SCUBE1: variants seen among roughly 807,000 people sequenced by gnomAD.
The protein encoded by SCUBE1 is signal peptide, CUB and EGF-like domain-containing protein 1.
In SCUBE1, 59 loss-of-function variants were observed where a neutral mutation model predicts 124.4. The ratio of observed to expected loss-of-function variants is 0.47; its 90% CI spans 0.38 to 0.59. SCUBE1 has a LOEUF of 0.59. SCUBE1 is among the 20% of genes least tolerant of loss of function. The pLI is 0.00. For missense variants in SCUBE1, 1,150 were observed against 1,371.2 expected, an observed-to-expected ratio of 0.84 and a Z score of 2.55; for synonymous variants, 545 against 550.9, an observed-to-expected ratio of 0.99 and a Z score of 0.15.
intron 3 of SCUBE1, among the ~76,000 whole-genome samples, chr22:43,301,464 G>A (rs1188287558): frequency 6.6e-6 from 1 of 152,194 alleles, no homozygotes; most frequent in Non-Finnish European, 1.5e-5. Flanking sequence ...CAGCTGTCCT[G>A]TTCCCATCTC....
intron 2 of SCUBE1, among the ~76,000 whole-genome samples, chr22:43,332,773 T>C (rs1926944321): frequency 6.6e-6 from 1 of 152,136 alleles, no homozygotes; most frequent in Admixed American, 6.5e-5. Flanking sequence ...CCTCCCAGCA[T>C]GGATAAGGGT....
chr22:43,219,480 CTT>C (rs139001), intron 14 of SCUBE1, among the ~76,000 whole-genome samples: 5 of 144,634 alleles, frequency 3.5e-5, no homozygotes, highest in Non-Finnish European at 4.5e-5. Context: ...AAAACATTTC[CTT>C]TTTTTTTTTT....
At chr22:43,241,285 T>G (rs1377167572) in intron 6 of SCUBE1, among the ~76,000 whole-genome samples, 1 of 152,026 alleles carries the variant, frequency 6.6e-6, no homozygotes, top group Admixed American at 6.5e-5. Flanking sequence ...ACCAACCCGC[T>G]CCACAGCAGG....
At chr22:43,246,224 C>A (rs1467611777) in intron 6 of SCUBE1, among the ~76,000 whole-genome samples, 1 of 152,190 alleles carries the variant, frequency 6.6e-6, no homozygotes, top group East Asian at 1.9e-4. Context: ...CCTGCCTCTA[C>A]CCTGGCTCCT....
chr22:43,212,369 A>G, intron 17 of SCUBE1, 56 bp downstream of exon 17: 1 of 1,517,588 alleles, frequency 6.6e-7, no homozygotes, highest in Non-Finnish European at 8.9e-7. Flanking sequence ...AGCCTCTCGG[A>G]GCAGTGCAGC....
At position 43,198,671 on chromosome 22, in the gene SCUBE1, G is replaced by C. The variant is rs972354240; in HGVS notation, c.*5326C>G. 2.0e-5 allele frequency: 9 copies of C among 456,612 alleles called. No individual in the cohort carries two copies. In the Admixed American group the frequency reaches 2.1e-4, roughly 11 times the overall value. 28.3% of individuals were successfully genotyped at this position (456,612 alleles called of 1,614,324 possible). A position where few individuals can be genotyped will look rare whatever the true frequency, so the allele number is the denominator to read the frequency against. ...GGGACCTCAATGTCAGGTGCAGTTT[G>C]CCAGGGTGACCAGACTTCCTGAGCA... On this transcript the variant is annotated 3_prime_UTR_variant, in exon 22 of 22. Coordinates refer to ENST00000360835, the MANE Select transcript of SCUBE1 (RefSeq NM_173050.5).
In SCUBE1 at chr22:43,218,330, C is replaced by A; in HGVS notation, c.1816G>T (p.Ala606Ser). The change falls in exon 15 of 22, where the codon GCC becomes TCC. Residue 606 changes from alanine to serine, a missense_variant. By Grantham distance (99) the Ala-to-Ser change is moderately conservative (BLOSUM62 1). Transcript: ENST00000360835. ...VQVSGTEYEV[A>S]QRPAKALEGQ... ...TCCAGCGCCTTGGCTGGCCTCTGGG[C>A]TACCTCGTACTCAGTGCCTGAGACC... 1 of 1,613,454 alleles carries A rather than the reference C, an allele frequency of 6.2e-7. No individual in the cohort carries two copies. Among genetic ancestry groups the A allele is most frequent in the Non-Finnish European group, 8.5e-7 (1 of 1,180,034 alleles).
At chr22:43,238,988 C>T (rs1204247454) in intron 6 of SCUBE1, 34 bp from the exon 7 acceptor site, 2 of 1,554,774 alleles carry the variant, frequency 1.3e-6, no homozygotes, top group South Asian at 2.2e-5. Context: ...CCTCAGTTTC[C>T]TTGGACAGAA....
chr22:43,290,148 C>T (rs7285528), intron 4 of SCUBE1, among the ~76,000 whole-genome samples: 14 of 152,102 alleles, frequency 9.2e-5, no homozygotes, highest in Non-Finnish European at 4.4e-5. Context: ...CAGATGCCTG[C>T]CCTTGCATTA....
chr22:43,280,818 AT>A (rs2146735847), intron 4 of SCUBE1, among the ~76,000 whole-genome samples: 1 of 112,828 alleles, frequency 8.9e-6, no homozygotes, highest in East Asian at 2.9e-4. Flanking sequence ...TCCCTCAGCC[AT>A]CCTCCTGTCA....
chr22:43,301,649 C>T (rs549251817), intron 3 of SCUBE1, among the ~76,000 whole-genome samples: 1 of 152,294 alleles, frequency 6.6e-6, no homozygotes, highest in Non-Finnish European at 1.5e-5. Flanking sequence ...CCCCTGCTTC[C>T]TTCAGAGCAC....
chr22:43,244,396 C>T (rs573089593), intron 6 of SCUBE1, among the ~76,000 whole-genome samples: 29 of 152,218 alleles, frequency 1.9e-4, no homozygotes, highest in Non-Finnish European at 2.9e-4. Flanking sequence ...GTGACCAGCA[C>T]GGCGGAGGTG....
At chr22:43,219,550 T>C (rs746227934) in intron 14 of SCUBE1, among the ~76,000 whole-genome samples, 48 of 151,866 alleles carry the variant, frequency 3.2e-4, no homozygotes, top group Non-Finnish European at 5.9e-4. Flanking sequence ...CTCAGCTCAC[T>C]GCAATCTCTG....
At chr22:43,310,228 C>T (rs1199190308) in intron 3 of SCUBE1, among the ~76,000 whole-genome samples, 1 of 152,062 alleles carries the variant, frequency 6.6e-6, no homozygotes. Flanking sequence ...ACTTGTCCCC[C>T]TTCTGCTTGG....
At chr22:43,298,864 A>G (rs1925662013) in intron 3 of SCUBE1, among the ~76,000 whole-genome samples, 1 of 152,018 alleles carries the variant, frequency 6.6e-6, no homozygotes, top group South Asian at 2.1e-4. Flanking sequence ...CATCCTGGCT[A>G]ACACGGTGAA....
chr22:43,274,913 C>T (rs1417167110), intron 4 of SCUBE1, among the ~76,000 whole-genome samples: 1 of 152,172 alleles, frequency 6.6e-6, no homozygotes, highest in East Asian at 1.9e-4. Flanking sequence ...CTCATGGGCT[C>T]GGGGCACAGT....
At chr22:43,251,439 C>T (rs186511348) in intron 6 of SCUBE1, among the ~76,000 whole-genome samples, 1 of 152,170 alleles carries the variant, frequency 6.6e-6, no homozygotes, top group African/African-American at 2.4e-5. Flanking sequence ...GGCAGAAGGG[C>T]CTCTGCAGAT....
rs929845021 is a variant in SCUBE1 at position 43,198,784 on chromosome 22, A to G, written c.*5213T>C. 8 of 448,600 alleles carry G rather than the reference A, an allele frequency of 1.8e-5. No homozygotes were observed. In the Admixed American group the frequency reaches 1.9e-4, roughly 11 times the overall value. 27.8% of individuals were successfully genotyped at this position (448,600 alleles called of 1,614,324 possible). A position where few individuals can be genotyped will look rare whatever the true frequency, so the allele number is the denominator to read the frequency against. Reference sequence around the variant, plus strand: ...GGCATGCACTGTGGCAGGCAAGGTGAGCAGGCTGTCCAGGGCAGCTTGTCT... The same window carrying G: ...GGCATGCACTGTGGCAGGCAAGGTGGGCAGGCTGTCCAGGGCAGCTTGTCT... On this transcript the variant is annotated 3_prime_UTR_variant, in exon 22 of 22. Coordinates refer to ENST00000360835, the MANE Select transcript of SCUBE1 (RefSeq NM_173050.5).
chr22:43,299,051 CA>C (rs368762604), intron 3 of SCUBE1, among the ~76,000 whole-genome samples: 52 of 136,412 alleles, frequency 3.8e-4, no homozygotes, highest in African/African-American at 3.9e-4. Context: ...GACTCCGTCT[CA>C]AAAAAAAAAA....
Sources: allele counts gnomAD v4.1 joint callset (sites outside exome capture counted in the v4.1 genomes callset), GRCh38; gene constraint gnomAD v4.1.1; transcripts MANE v1.5; gene names NCBI Gene and HGNC (gene_info 2026-07-23, HGNC 2026-07-21).